Variants in PDXDC1 observed in about 807,000 individuals in gnomAD.
The protein encoded by PDXDC1 is pyridoxal dependent decarboxylase domain containing 1.
A neutral mutation model predicts 100.1 loss-of-function variants in PDXDC1; 42 were observed. The ratio of observed to expected loss-of-function variants is 0.42; its 90% CI spans 0.33 to 0.54. The LOEUF is 0.54. Among genes scored for constraint, PDXDC1 ranks in the 20% least tolerant of loss-of-function variants. The probability of loss-of-function intolerance (pLI) is 0.10; values close to 1 mark genes in which losing one functional copy is unlikely to be tolerated. For synonymous variants in PDXDC1, 260 were observed against 371.7 expected (o/e 0.70, Z 3.46); for missense variants, 636 against 979.2 (o/e 0.65, Z 4.68).
Position 15,083,410 on chromosome 16 carries a change from AG to A in PDXDC1, c.1399+53355del. ...TGAGACTCGGTCTCAAAAAAGAAAA[AG>A]AAAAAGAAAGACTGGAAAAGAAAGA... On this transcript the variant is annotated intron_variant, in intron 16 of 16. Transcript: ENST00000535621. The A allele has an allele frequency of 4.6e-6, 7 of 1,528,810 alleles. No individual in the cohort carries two copies. In the African/African-American group the frequency reaches 7.0e-5, roughly 15 times the overall value. 94.7% of individuals were successfully genotyped at this position (1,528,810 alleles called of 1,614,324 possible).
intron 8 of PDXDC1, chr16:15,010,237 A>G: frequency 6.2e-6 from 1 of 161,092 alleles, no homozygotes; most frequent in South Asian, 1.9e-4. Flanking sequence ...TAGTAGAGAC[A>G]GGGTTTCACT....
chr16:14,996,027 CT>C (rs1391698283), intron 1 of PDXDC1, among the ~76,000 whole-genome samples: 1 of 152,268 alleles, frequency 6.6e-6, no homozygotes, highest in African/African-American at 2.4e-5. Flanking sequence ...CAAATAAAAA[CT>C]TTACTACTTT....
At chr16:15,094,243 C>A (rs747521096) in intron 16 of PDXDC1, 3 of 1,567,950 alleles carry the variant, frequency 1.9e-6, no homozygotes, top group Non-Finnish European at 1.7e-6. Flanking sequence ...TTGGGCCGAA[C>A]TAACGCGACC....
In PDXDC1 at chr16:15,033,350, T is replaced by C; in HGVS notation, c.1763T>C (p.Leu588Pro). Residue 588 changes from leucine (L) to proline (P), a missense_variant, in exon 19 of 23, where the codon CTC (leucine) becomes CCC (proline). By Grantham distance (98) the Leu-to-Pro change is moderately conservative. This residue lies in a region of PDXDC1 where 452 missense variants were observed against 402.9 expected (regional missense o/e 1.12). Transcript: ENST00000396410. ...AGCGACAACGTCGATGCTGCTGAGC[T>C]CGTGGAGACCATTGCGGCCACAGCC... ...MASDNVDAAELVETIAATARE... is the reference protein window; with the variant it reads ...MASDNVDAAEPVETIAATARE... 6.2e-7 allele frequency: 1 copy of C among 1,614,202 alleles called. No homozygotes were observed. The highest frequency in any genetic ancestry group is 8.5e-7 in the Non-Finnish European group (1 of 1,180,028).
intron 16 of PDXDC1, chr16:15,076,314 T>A (rs2045452865): frequency 1.0e-5 from 6 of 596,564 alleles, no homozygotes; most frequent in Non-Finnish European, 1.8e-5. Context: ...AAACAAACAC[T>A]GAAAGTTACA....
At chr16:15,081,102 T>C (rs1170314898) in intron 16 of PDXDC1, among the ~76,000 whole-genome samples, 2 of 152,244 alleles carry the variant, frequency 1.3e-5, no homozygotes, top group African/African-American at 4.8e-5. Flanking sequence ...TTGTACCATG[T>C]TTTGTCTGTT....
At chr16:15,125,519 C>T (rs2047662415) in intron 16 of PDXDC1, 11 of 1,519,582 alleles carry the variant, frequency 7.2e-6, no homozygotes, top group Non-Finnish European at 1.0e-5. Context: ...GTGACCTGCA[C>T]CAGGGCTCGA....
intron 16 of PDXDC1, chr16:15,114,328 A>AT (rs999313778): frequency 8.7e-5 from 52 of 599,678 alleles, no homozygotes; most frequent in Non-Finnish European, 1.1e-4. Context: ...CATTTCCCTG[A>AT]TTTTTTGGGT....
intron 16 of PDXDC1, chr16:15,133,700 C>A (rs1271659463): frequency 6.2e-7 from 1 of 1,601,930 alleles, no homozygotes; most frequent in African/African-American, 1.3e-5. Context: ...CGCGTCATGC[C>A]AGCCTGAGGG....
chr16:14,982,918 A>G (rs1968327217), intron 1 of PDXDC1, among the ~76,000 whole-genome samples: 1 of 152,290 alleles, frequency 6.6e-6, no homozygotes. Flanking sequence ...TACCTTGTTC[A>G]GAAAGCTGTG....
At chr16:15,127,229 A>G (rs2047784064) in intron 16 of PDXDC1, 1 of 449,606 alleles carries the variant, frequency 2.2e-6, no homozygotes, top group South Asian at 1.9e-5. Context: ...GCTGCTGTGC[A>G]GTTGTCCGTG....
At chr16:15,003,786 C>T (rs1973685863) in intron 4 of PDXDC1, among the ~76,000 whole-genome samples, 1 of 152,200 alleles carries the variant, frequency 6.6e-6, no homozygotes, top group Non-Finnish European at 1.5e-5. Flanking sequence ...AGTTCAAGAG[C>T]AGCCTGGCCA....
At chr16:15,026,388 CCT>C (rs1235389043) in intron 13 of PDXDC1, 21 of 525,982 alleles carry the variant, frequency 4.0e-5, no homozygotes, top group South Asian at 9.3e-5. Flanking sequence ...AAAATTTCCC[CCT>C]GCTTTAATTT....
At chr16:15,101,096 A>C (rs1214929476) in intron 16 of PDXDC1, among the ~76,000 whole-genome samples, 2 of 152,226 alleles carry the variant, frequency 1.3e-5, no homozygotes, top group African/African-American at 4.8e-5. Context: ...AATGGGAATA[A>C]CTTTTTGAGC....
intron 16 of PDXDC1, among the ~76,000 whole-genome samples, chr16:15,100,851 T>G (rs2046518502): frequency 6.6e-6 from 1 of 152,100 alleles, no homozygotes; most frequent in African/African-American, 2.4e-5. Flanking sequence ...GCCATAGTGT[T>G]GGTGTGCACC....
chr16:15,005,554 G>A (rs1261570158), intron 5 of PDXDC1, among the ~76,000 whole-genome samples: 3 of 152,276 alleles, frequency 2.0e-5, no homozygotes, highest in Non-Finnish European at 4.4e-5. Flanking sequence ...ACTTGGCCAA[G>A]CAGGAGTATA....
chr16:15,063,133 C>T lies in PDXDC1; in HGVS notation c.1399+33077C>T, dbSNP rs2044783850. 3 of 1,247,570 alleles carry T rather than the reference C, an allele frequency of 2.4e-6. No homozygotes were observed. The Admixed American group carries it at 5.0e-5, about 21-fold the overall frequency. The allele number at this position is 1,247,570 out of a possible 1,614,324, so 77.3% of individuals were successfully genotyped here. ...GCACGAACGACTTGCCACTTACTAT[C>T]TCACTGTGACCTGGAACCAGAAAGG... On this transcript the variant is annotated intron_variant, in intron 16 of 16. Transcript: ENST00000535621.
At chr16:15,099,161 G>A (rs1015040516) in intron 16 of PDXDC1, among the ~76,000 whole-genome samples, 11 of 152,150 alleles carry the variant, frequency 7.2e-5, no homozygotes, top group African/African-American at 2.4e-5. Context: ...TGTGGCTCAT[G>A]CCTGTAATCC....
chr16:15,041,175 T>C, downstream of PDXDC1: 4 of 1,159,016 alleles, frequency 3.5e-6, no homozygotes, highest in East Asian at 2.3e-5. Flanking sequence ...CAAATGATTA[T>C]TTTTACTTTG....
Sources: gnomAD v4.1 joint callset for allele counts (sites outside exome capture counted in the v4.1 genomes callset) on GRCh38, gnomAD v4.1.1 for gene constraint, gnomAD v4.1.1 regional missense constraint, MANE v1.5 for transcripts, NCBI Gene and HGNC (gene_info 2026-07-23, HGNC 2026-07-21) for gene names.